The following CSMD2 variants were observed in gnomAD, a reference collection of about 807,000 sequenced individuals.
CSMD2 encodes CUB and Sushi multiple domains 2.
Under a neutral mutation model 398.5 loss-of-function variants are expected in CSMD2, and 130 were observed. The ratio of observed to expected loss-of-function variants is 0.33; its 90% CI spans 0.28 to 0.38. The LOEUF is 0.38. CSMD2 is among the 10% of genes least tolerant of loss of function. The pLI is 1.00. For missense variants in CSMD2, 3,829 were observed against 4,764.9 expected, an observed-to-expected ratio of 0.80 and a Z score of 5.78; for synonymous variants, 1,828 against 1,908.5, an observed-to-expected ratio of 0.96 and a Z score of 1.10.
chr1:33,594,226 T>TA (rs1639690153), intron 44 of CSMD2, among the ~76,000 whole-genome samples: 1 of 152,208 alleles, frequency 6.6e-6, no homozygotes, highest in Non-Finnish European at 1.5e-5. Flanking sequence ...CATCCGGAGT[T>TA]ACAGCCACCT....
At position 34,036,121 on chromosome 1, in the gene CSMD2, G is replaced by GA. The variant is rs896937022; in HGVS notation, c.405-3416dup. Among the ~76,000 whole-genome samples, 727 of 147,110 alleles carry GA rather than the reference G, an allele frequency of 4.9e-3. 5 individuals are homozygous for GA. Among genetic ancestry groups the GA allele is most frequent in the African/African-American group, 0.014 (576 of 40,228 alleles). On this transcript the variant is annotated intron_variant, in intron 2 of 70. Transcript: ENST00000373381. ...GTAAATAGTTTGGCAGTTTCTTTAAGAAAAAAAAAACCACATAACTATACA... is the reference window on the plus strand; with the variant it reads ...GTAAATAGTTTGGCAGTTTCTTTAAGAAAAAAAAAAACCACATAACTATACA...
chr1:33,947,845 G>A (rs1330013757), intron 3 of CSMD2, among the ~76,000 whole-genome samples: 2 of 152,176 alleles, frequency 1.3e-5, no homozygotes, highest in Non-Finnish European at 2.9e-5. Flanking sequence ...CTCATTTAAT[G>A]CTCATAATAG....
At chr1:33,912,979 A>G (rs548470885) in intron 5 of CSMD2, among the ~76,000 whole-genome samples, 9 of 151,854 alleles carry the variant, frequency 5.9e-5, no homozygotes, top group African/African-American at 2.2e-4. Context: ...CATCCGTCTA[A>G]TTTTTGTATT....
At chr1:33,556,220 C>T (rs1657959566) in intron 55 of CSMD2, among the ~76,000 whole-genome samples, 2 of 152,280 alleles carry the variant, frequency 1.3e-5, no homozygotes, top group East Asian at 1.9e-4. Context: ...CCACTAGGGG[C>T]TGTGACTCTC....
At chr1:33,621,168 G>T (rs1256032753) in intron 37 of CSMD2, among the ~76,000 whole-genome samples, 1 of 152,054 alleles carries the variant, frequency 6.6e-6, no homozygotes, top group Non-Finnish European at 1.5e-5. Flanking sequence ...ACTTTCTTAG[G>T]TTTCACTAAA....
At chr1:33,960,383 G>T (rs923386422) in intron 3 of CSMD2, among the ~76,000 whole-genome samples, 1 of 152,152 alleles carries the variant, frequency 6.6e-6, no homozygotes, top group East Asian at 1.9e-4. Flanking sequence ...AGGTAGATTC[G>T]CTCACACAGA....
chr1:33,966,430 G>C (rs1360612663), intron 3 of CSMD2, among the ~76,000 whole-genome samples: 1 of 152,346 alleles, frequency 6.6e-6, no homozygotes, highest in East Asian at 1.9e-4. Flanking sequence ...TGGCATGTGA[G>C]GGAGACACTC....
intron 3 of CSMD2, among the ~76,000 whole-genome samples, chr1:34,031,806 G>T (rs1054041580): frequency 6.7e-6 from 1 of 148,372 alleles, no homozygotes; most frequent in Non-Finnish European, 1.5e-5. Context: ...GATATCTGGC[G>T]TGCTTTACTA....
chr1:33,572,569 C>T lies in CSMD2; in HGVS notation c.7699G>A (p.Ala2567Thr). The T allele has an allele frequency of 1.9e-6, 3 of 1,614,170 alleles. No homozygotes were observed. The highest frequency in any genetic ancestry group is 1.1e-5 in the South Asian group (1 of 91,074). ...EGYHLQAGAE[A>T]TAECLDTGLW... ...CCTGTGTCCAGACACTCTGCAGTGG[C>T]CTCAGCGCCTGCCTGGAGGTGGTAG... The change falls in exon 50 of 71, where the codon GCC (alanine) becomes ACC (threonine). Residue 2567 changes from alanine (A) to threonine (T), a missense_variant. Ala to Thr is a moderately conservative substitution (Grantham distance 58). Transcript: ENST00000373381.
rs932062533 is a variant in CSMD2 at position 33,671,997 on chromosome 1, G to GT, written c.4053-8906_4053-8905insA. Among the ~76,000 whole-genome samples the GT allele has an allele frequency of 6.7e-5, 4 of 59,648 alleles. No homozygotes were observed. The East Asian group carries it at 3.8e-3, about 57-fold the overall frequency. 39.1% of individuals were successfully genotyped at this position (59,648 alleles called of 152,430 possible). A position where few individuals can be genotyped will look rare whatever the true frequency, so the allele number is the denominator to read the frequency against. On this transcript the variant is annotated intron_variant, in intron 25 of 70. Coordinates refer to ENST00000373381, the MANE Select transcript of CSMD2 (RefSeq NM_001281956.2). ...ATTGCAAATTGGAAAGACATGCAAA[G>GT]GGGGGTGGAGCCAAGATGGCCAAAT...
intron 15 of CSMD2, among the ~76,000 whole-genome samples, chr1:33,731,443 T>TA (rs1034957349): frequency 7.9e-5 from 12 of 152,196 alleles, no homozygotes; most frequent in Middle Eastern, 3.4e-3. Flanking sequence ...ATATTCTCGC[T>TA]AAAAAAATGG....
intron 1 of CSMD2, among the ~76,000 whole-genome samples, chr1:34,142,546 T>A (rs1639399844): frequency 6.6e-6 from 1 of 152,168 alleles, no homozygotes; most frequent in Non-Finnish European, 1.5e-5. Flanking sequence ...AACGAAGGCC[T>A]GGAAAGTGGC....
At chr1:34,159,479 C>A (rs116475794) in intron 1 of CSMD2, among the ~76,000 whole-genome samples, 241 of 152,294 alleles carry the variant, frequency 1.6e-3, no homozygotes, top group Non-Finnish European at 2.7e-3. Flanking sequence ...GCAGCCTGGG[C>A]AGACGCTTCC....
chr1:33,781,200 T>C (rs1217638147), intron 12 of CSMD2, among the ~76,000 whole-genome samples: 1 of 152,226 alleles, frequency 6.6e-6, no homozygotes, highest in African/African-American at 2.4e-5. Context: ...CAATCTTATC[T>C]GCATGTCAGC....
intron 44 of CSMD2, among the ~76,000 whole-genome samples, chr1:33,594,311 C>T (rs1010850292): frequency 1.3e-5 from 2 of 152,188 alleles, no homozygotes; most frequent in African/African-American, 4.8e-5. Context: ...CAATTTCTTG[C>T]ATTCACACAT....
At chr1:33,879,590 T>C (rs1558044533) in intron 5 of CSMD2, among the ~76,000 whole-genome samples, 1 of 152,128 alleles carries the variant, frequency 6.6e-6, no homozygotes, top group African/African-American at 2.4e-5. Context: ...CTGATGAGGG[T>C]AGGAGATTTT....
chr1:33,697,319 T>C (rs1645451467), intron 24 of CSMD2, among the ~76,000 whole-genome samples: 1 of 152,084 alleles, frequency 6.6e-6, no homozygotes, highest in Non-Finnish European at 1.5e-5. Flanking sequence ...GTGCCTAGCA[T>C]AGTTCCTGGC....
intron 5 of CSMD2, among the ~76,000 whole-genome samples, chr1:33,899,274 C>A (rs1173519118): frequency 1.3e-5 from 2 of 151,984 alleles, no homozygotes; most frequent in African/African-American, 4.8e-5. Context: ...CAACCAACCA[C>A]AGCCCAAGGC....
chr1:33,645,344 T>TACACACACAC (rs4044501), intron 29 of CSMD2, among the ~76,000 whole-genome samples: 11 of 136,272 alleles, frequency 8.1e-5, no homozygotes, highest in South Asian at 2.5e-4. Flanking sequence ...TGGAGCATTA[T>TACACACACAC]ACACACACAC....
Sources: gnomAD v4.1 joint callset for allele counts (sites outside exome capture counted in the v4.1 genomes callset) on GRCh38, gnomAD v4.1.1 for gene constraint, MANE v1.5 for transcripts, NCBI Gene and HGNC (gene_info 2026-07-23, HGNC 2026-07-21) for gene names.